STEAP1B: variants seen among roughly 807,000 people sequenced by gnomAD.
STEAP1B encodes STEAP family protein MGC87042.
Under a neutral mutation model 27.9 loss-of-function variants are expected in STEAP1B, and 13 were observed. That is an observed-to-expected ratio of 0.47 (90% CI 0.30 to 0.74). The LOEUF (loss-of-function observed/expected upper bound fraction) is 0.74. STEAP1B is among the 30% of genes least tolerant of loss of function. STEAP1B has a pLI of 0.06. For synonymous variants in STEAP1B, 86 were observed against 107.1 expected (o/e 0.80, Z 1.22); for missense variants, 250 against 298.7 (o/e 0.84, Z 1.20).
intron 4 of STEAP1B, among the ~76,000 whole-genome samples, chr7:22,480,686 G>A (rs77789325): frequency 0.11 from 16,175 of 152,208 alleles, 909 homozygotes; most frequent in Admixed American, 0.15. Flanking sequence ...GTTTCCCTCC[G>A]TTTTCCCAGT....
chr7:22,498,633 G>C (rs1786481871), intron 1 of STEAP1B, among the ~76,000 whole-genome samples: 1 of 152,222 alleles, frequency 6.6e-6, no homozygotes, highest in Non-Finnish European at 1.5e-5. Flanking sequence ...TTGAGGTCTA[G>C]GAGAGAAGGC....
At chr7:22,432,457 T>G (rs1327235592) in intron 4 of STEAP1B, among the ~76,000 whole-genome samples, 2 of 152,048 alleles carry the variant, frequency 1.3e-5, no homozygotes, top group African/African-American at 4.8e-5. Context: ...ACACTTGTAG[T>G]CCCAGCTACT....
intron 4 of STEAP1B, among the ~76,000 whole-genome samples, chr7:22,435,191 A>G (rs564421816): frequency 2.0e-5 from 3 of 152,172 alleles, no homozygotes; most frequent in Non-Finnish European, 4.4e-5. Context: ...TGAATGGCCA[A>G]TGAACCATTC....
At chr7:22,441,776 C>T (rs187571108) in intron 4 of STEAP1B, among the ~76,000 whole-genome samples, 7 of 152,344 alleles carry the variant, frequency 4.6e-5, no homozygotes, top group East Asian at 1.9e-4. Context: ...TATAACCAGA[C>T]GTACTCTTAC....
chr7:22,473,514 A>G (rs1289952206), intron 4 of STEAP1B, among the ~76,000 whole-genome samples: 1 of 152,214 alleles, frequency 6.6e-6, no homozygotes, highest in Non-Finnish European at 1.5e-5. Context: ...GTGGAATGAG[A>G]CAAGGTGGAA....
intron 4 of STEAP1B, among the ~76,000 whole-genome samples, chr7:22,490,778 G>C (rs936718858): frequency 1.2e-4 from 18 of 152,148 alleles, no homozygotes; most frequent in African/African-American, 4.3e-4. Context: ...TTTTGGCAGA[G>C]GCATCCTTGC....
At chr7:22,453,839 T>A (rs1184929031) in intron 4 of STEAP1B, among the ~76,000 whole-genome samples, 1 of 152,248 alleles carries the variant, frequency 6.6e-6, no homozygotes, top group African/African-American at 2.4e-5. Flanking sequence ...CTGGCTTCTT[T>A]CACCTAATAC....
chr7:22,473,269 T>C (rs1018500231), intron 4 of STEAP1B, among the ~76,000 whole-genome samples: 8 of 152,146 alleles, frequency 5.3e-5, no homozygotes, highest in African/African-American at 1.9e-4. Flanking sequence ...CCCTTTCTAG[T>C]TGATCAAGGA....
At chr7:22,447,436 T>C (rs988854105) in intron 4 of STEAP1B, among the ~76,000 whole-genome samples, 5 of 152,256 alleles carry the variant, frequency 3.3e-5, no homozygotes, top group African/African-American at 1.2e-4. Context: ...GTAACCACTT[T>C]GGCATGAAGC....
chr7:22,463,107 T>C (rs1785709242), intron 4 of STEAP1B, among the ~76,000 whole-genome samples: 1 of 152,138 alleles, frequency 6.6e-6, no homozygotes, highest in African/African-American at 2.4e-5. Flanking sequence ...TTCAGCAAAG[T>C]CTCAGGATAC....
intron 4 of STEAP1B, among the ~76,000 whole-genome samples, chr7:22,430,129 C>T (rs570814200): frequency 1.8e-4 from 27 of 152,232 alleles, no homozygotes; most frequent in African/African-American, 4.6e-4. Flanking sequence ...TATATGTTTA[C>T]GTTATTTTTT....
rs192250037 is a variant in STEAP1B at position 22,446,855 on chromosome 7, T to C, written c.763-27019A>G. Among the ~76,000 whole-genome samples, 3 of 152,308 alleles carry C rather than the reference T, an allele frequency of 2.0e-5. No individual in the cohort carries two copies. The East Asian group carries it at 5.8e-4, about 29-fold the overall frequency. ...CCCACAATGGTGCTGTGAAGAGTAA[T>C]GAGACAGTATCTGGGAAAACACTTA... On this transcript the variant is annotated intron_variant, in intron 4 of 4. Coordinates refer to ENST00000678116, the MANE Select transcript of STEAP1B (RefSeq NM_001382447.1).
intron 4 of STEAP1B, among the ~76,000 whole-genome samples, chr7:22,431,576 A>C (rs740294): frequency 1.3e-5 from 2 of 152,058 alleles, no homozygotes; most frequent in African/African-American, 4.8e-5. Flanking sequence ...TAGAAGAGGC[A>C]TGATACCTGT....
At position 22,434,147 on chromosome 7, in the gene STEAP1B, C is replaced by T. The variant is rs77646618; in HGVS notation, c.763-14311G>A. On this transcript the variant is annotated intron_variant, in intron 4 of 4. Coordinates refer to ENST00000678116, the MANE Select transcript of STEAP1B (RefSeq NM_001382447.1). ...CAAAGGGATTCAACTTCCTGGATGACCTCATTCCAAAGATCTGCAGAGCCC... is the reference window on the plus strand; with the variant it reads ...CAAAGGGATTCAACTTCCTGGATGATCTCATTCCAAAGATCTGCAGAGCCC... 8.8e-3 allele frequency among the ~76,000 whole-genome samples: 1,335 copies of T among 152,338 alleles called. 25 individuals carry two copies. The highest frequency in any genetic ancestry group is 0.031 in the African/African-American group (1,281 of 41,578).
chr7:22,463,712 T>G (rs1785719957), intron 4 of STEAP1B, among the ~76,000 whole-genome samples: 2 of 152,138 alleles, frequency 1.3e-5, no homozygotes, highest in Non-Finnish European at 1.5e-5. Flanking sequence ...GGGAAAGGAT[T>G]CCCTACTTAA....
intron 4 of STEAP1B, among the ~76,000 whole-genome samples, chr7:22,447,378 T>C (rs1785424283): frequency 6.6e-6 from 1 of 152,210 alleles, no homozygotes; most frequent in Non-Finnish European, 1.5e-5. Context: ...GTAATTCAGT[T>C]GGTTGGAAGA....
chr7:22,444,763 C>T (rs1785384082), intron 4 of STEAP1B, among the ~76,000 whole-genome samples: 1 of 152,170 alleles, frequency 6.6e-6, no homozygotes, highest in South Asian at 2.1e-4. Context: ...TTGGTTTTCC[C>T]CTGGAGATTT....
intron 4 of STEAP1B, among the ~76,000 whole-genome samples, chr7:22,484,537 T>G (rs1786166061): frequency 6.6e-6 from 1 of 152,192 alleles, no homozygotes. Context: ...ACCCAAGAGC[T>G]CAGATGGAGA....
intron 4 of STEAP1B, among the ~76,000 whole-genome samples, chr7:22,475,959 T>A (rs1262761718): frequency 6.6e-6 from 1 of 152,108 alleles, no homozygotes; most frequent in Non-Finnish European, 1.5e-5. Context: ...CCACTGTATG[T>A]AAGCCCTCGG....
Sources: allele counts gnomAD v4.1 joint callset (sites outside exome capture counted in the v4.1 genomes callset), GRCh38; gene constraint gnomAD v4.1.1; transcripts MANE v1.5; gene names NCBI Gene and HGNC (gene_info 2026-07-23, HGNC 2026-07-21).